RIN2: variants seen among roughly 807,000 people sequenced by gnomAD.
The protein encoded by RIN2 is RAB5 interacting protein 2.
RIN2 carries 36 observed loss-of-function variants against 78.0 expected under a neutral mutation model. The observed-to-expected ratio is 0.46, with a 90% confidence interval of 0.35 to 0.61. The LOEUF (loss-of-function observed/expected upper bound fraction) is 0.61. Ranked by LOEUF, RIN2 falls within the 20% of genes least tolerant of loss-of-function variation. RIN2 has a pLI of 0.00. For synonymous variants in RIN2, 466 were observed against 466.8 expected (o/e 1.00, Z 0.02); for missense variants, 1,087 against 1,159.7 (o/e 0.94, Z 0.91).
At chr20:19,993,274 G>GTTT (rs35781625) in intron 11 of RIN2, among the ~76,000 whole-genome samples, 1 of 146,862 alleles carries the variant, frequency 6.8e-6, no homozygotes, top group Non-Finnish European at 1.5e-5. Context: ...TCACGGTTTC[G>GTTT]TTTTTTTTTT....
chr20:19,882,465 A>G (rs1324393464), intron 2 of RIN2, among the ~76,000 whole-genome samples: 8 of 152,202 alleles, frequency 5.3e-5, no homozygotes, highest in African/African-American at 1.7e-4. Flanking sequence ...TACAACCTCT[A>G]ATGAAAAATA....
At chr20:19,922,718 C>A (rs1446008079) in intron 3 of RIN2, among the ~76,000 whole-genome samples, 1 of 152,166 alleles carries the variant, frequency 6.6e-6, no homozygotes, top group African/African-American at 2.4e-5. Context: ...TGAAAGTGCC[C>A]ATGGGGACCA....
At chr20:19,822,550 C>T (rs961863139) in intron 2 of RIN2, among the ~76,000 whole-genome samples, 2 of 152,124 alleles carry the variant, frequency 1.3e-5, no homozygotes, top group Non-Finnish European at 2.9e-5. Flanking sequence ...TCATTCCATC[C>T]GGTATTAGAA....
chr20:19,837,433 T>G (rs1192788779), intron 2 of RIN2, among the ~76,000 whole-genome samples: 1 of 152,200 alleles, frequency 6.6e-6, no homozygotes, highest in African/African-American at 2.4e-5. Flanking sequence ...AAATGAGAAA[T>G]AGTCTCTTGT....
At chr20:19,819,551 CGTATAT>C (rs1244228045) in intron 2 of RIN2, among the ~76,000 whole-genome samples, 1 of 152,130 alleles carries the variant, frequency 6.6e-6, no homozygotes, top group Non-Finnish European at 1.5e-5. Context: ...CAATTGAAAT[CGTATAT>C]GTATGAGACA....
intron 1 of RIN2, among the ~76,000 whole-genome samples, chr20:19,759,773 G>A (rs1369426829): frequency 6.6e-6 from 1 of 152,186 alleles, no homozygotes; most frequent in East Asian, 1.9e-4. Flanking sequence ...GCTGAGGTGG[G>A]AGAATCACTT....
At chr20:19,841,721 C>T (rs2036582261) in intron 2 of RIN2, among the ~76,000 whole-genome samples, 1 of 152,202 alleles carries the variant, frequency 6.6e-6, no homozygotes, top group Admixed American at 6.5e-5. Flanking sequence ...CTTGTACCTA[C>T]TCTGTGCAGG....
At chr20:19,954,299 C>G (rs1228149850) in intron 4 of RIN2, among the ~76,000 whole-genome samples, 1 of 152,210 alleles carries the variant, frequency 6.6e-6, no homozygotes, top group East Asian at 1.9e-4. Context: ...ATCTAGTTCA[C>G]ACAGTTGAGT....
chr20:19,799,943 C>T (rs1362192012), intron 2 of RIN2, among the ~76,000 whole-genome samples, 196 bp downstream of exon 2: 2 of 152,180 alleles, frequency 1.3e-5, no homozygotes, highest in African/African-American at 4.8e-5. Context: ...ACACTGGCAG[C>T]AGGGCCACAT....
intron 2 of RIN2, chr20:19,886,586 A>AG: frequency 2.6e-6 from 2 of 768,778 alleles, no homozygotes; most frequent in Non-Finnish European, 4.3e-6. Flanking sequence ...TAGTCCTATG[A>AG]GGGCTGCCTT....
intron 4 of RIN2, among the ~76,000 whole-genome samples, chr20:19,938,354 A>G (rs199543): frequency 0.016 from 2,353 of 151,786 alleles, 48 homozygotes; most frequent in African/African-American, 0.054. Flanking sequence ...AAGTAGTTGG[A>G]AGCACGGGTG....
At chr20:19,986,463 G>A (rs1027949341) in intron 9 of RIN2, among the ~76,000 whole-genome samples, 2 of 152,070 alleles carry the variant, frequency 1.3e-5, no homozygotes, top group African/African-American at 4.8e-5. Context: ...TTTATTTTCA[G>A]AAAACGGGCT....
At chr20:19,865,971 G>C (rs1171864901) in intron 2 of RIN2, among the ~76,000 whole-genome samples, 1 of 151,738 alleles carries the variant, frequency 6.6e-6, no homozygotes, top group Non-Finnish European at 1.5e-5. Context: ...GATGGTTTTG[G>C]GATGATTCAA....
At chr20:19,943,929 G>A (rs73605551) in intron 4 of RIN2, among the ~76,000 whole-genome samples, 1 of 142,548 alleles carries the variant, frequency 7.0e-6, no homozygotes, top group Non-Finnish European at 1.5e-5. Flanking sequence ...TTCTTCTCCA[G>A]ACTAATAGAA....
chr20:19,778,689 C>T (rs1409645106), intron 1 of RIN2, among the ~76,000 whole-genome samples: 3 of 152,086 alleles, frequency 2.0e-5, no homozygotes, highest in African/African-American at 7.2e-5. Context: ...TCTTTGGGGC[C>T]AGGAACTGGG....
At chr20:19,864,500 G>A (rs1017654403) in intron 2 of RIN2, among the ~76,000 whole-genome samples, 21 of 152,096 alleles carry the variant, frequency 1.4e-4, no homozygotes, top group Admixed American at 1.2e-3. Flanking sequence ...CTCCTCCAAA[G>A]CAGACAGCAT....
chr20:19,926,928 A>T (rs766387491), intron 3 of RIN2, among the ~76,000 whole-genome samples: 2 of 152,248 alleles, frequency 1.3e-5, no homozygotes, highest in Non-Finnish European at 2.9e-5. Flanking sequence ...CCCTAAAAGA[A>T]AGAAAACAAG....
rs150148494 is a variant in RIN2, at chr20:19,851,116, A to G, written c.-36-38450A>G. ...AGGAAGGAAAGAGAAGAGAAGAGAA[A>G]GAAAAAGGGCGAATTTGCCTAACCT... is the stretch of plus-strand genomic sequence containing the variant. On this transcript the variant is annotated intron_variant, in intron 2 of 12. Transcript: ENST00000255006. Among the ~76,000 whole-genome samples, 76 of 152,142 alleles carry G rather than the reference A, an allele frequency of 5.0e-4. 1 individual carries two copies. The highest frequency in any genetic ancestry group is 1.5e-3 in the African/African-American group (64 of 41,482).
intron 1 of RIN2, among the ~76,000 whole-genome samples, chr20:19,760,612 G>T (rs975838985): frequency 6.6e-6 from 1 of 151,992 alleles, no homozygotes; most frequent in Non-Finnish European, 1.5e-5. Context: ...CTCTTCCTCT[G>T]CTTGGAGGAC....
Sources: allele counts gnomAD v4.1 joint callset (sites outside exome capture counted in the v4.1 genomes callset), GRCh38; gene constraint gnomAD v4.1.1; transcripts MANE v1.5; gene names NCBI Gene and HGNC (gene_info 2026-07-23, HGNC 2026-07-21).